The following SYT16 variants were observed in gnomAD, a reference collection of about 807,000 sequenced individuals.
SYT16 encodes the protein synaptotagmin 16.
In SYT16, 42 loss-of-function variants were observed where a neutral mutation model predicts 61.4. The ratio of observed to expected loss-of-function variants is 0.68; its 90% CI spans 0.53 to 0.89. The LOEUF (loss-of-function observed/expected upper bound fraction) is 0.89, where lower values mean the gene tolerates loss of function less well. Ranked by LOEUF, SYT16 falls within the 40% of genes least tolerant of loss-of-function variation. The pLI is 0.00. For synonymous variants in SYT16, 314 were observed against 302.3 expected (o/e 1.04, Z -0.40); for missense variants, 804 against 807.3 (o/e 1.00, Z 0.05).
chr14:62,101,411 T>C lies in SYT16; in HGVS notation c.*704T>C, dbSNP rs2057415882. Reference sequence around the variant, plus strand: ...GACAACTTGTCTCCTTTTGAATATGTAAGATTTCAAACTTGTGACTTTCAA... The same window carrying C: ...GACAACTTGTCTCCTTTTGAATATGCAAGATTTCAAACTTGTGACTTTCAA... On this transcript the variant is annotated 3_prime_UTR_variant, in exon 8 of 8. Coordinates refer to ENST00000683842, the MANE Select transcript of SYT16 (RefSeq NM_001367656.1). 6.6e-6 allele frequency: 1 copy of C among 152,198 alleles called. No individual in the cohort carries two copies. The allele number at this position is 152,198 out of a possible 1,614,324, so 9.4% of individuals were successfully genotyped here.
intron 1 of SYT16, among the ~76,000 whole-genome samples, chr14:61,842,319 C>T (rs1042343118): frequency 6.6e-6 from 1 of 152,194 alleles, no homozygotes; most frequent in African/African-American, 2.4e-5. Flanking sequence ...ACCTTATCCT[C>T]CTGCCACTCT....
In SYT16 at chr14:61,858,832, A is replaced by G. The variant is rs2046862736; in HGVS notation, c.-325+46022A>G. Among the ~76,000 whole-genome samples, 3 of 150,340 alleles carry G rather than the reference A, an allele frequency of 2.0e-5. No individual in the cohort carries two copies. In the South Asian group the frequency reaches 6.4e-4, roughly 32 times the overall value. On this transcript the variant is annotated intron_variant, in intron 1 of 7. Transcript: ENST00000683842. Reference sequence around the variant, plus strand: ...TTTTAATGAAAAGCAGCCCCAAATCATTTTCTTTTTTCTTTTCTTTTCTTT... The same window carrying G: ...TTTTAATGAAAAGCAGCCCCAAATCGTTTTCTTTTTTCTTTTCTTTTCTTT...
intron 1 of SYT16, chr14:61,865,388 T>C (rs571958620): frequency 1.5e-4 from 94 of 618,030 alleles, no homozygotes; most frequent in Non-Finnish European, 1.4e-4. Context: ...GCTCTCCTCA[T>C]TTATGTGATT....
rs1000806549 is a variant in SYT16, at chr14:62,110,890, T to C, written c.*10183T>C. 1.3e-5 allele frequency: 2 copies of C among 152,096 alleles called. No individual in the cohort carries two copies. The highest frequency in any genetic ancestry group is 2.4e-5 in the African/African-American group (1 of 41,436). The allele number at this position is 152,096 out of a possible 1,614,324, so 9.4% of individuals were successfully genotyped here. Reference sequence around the variant, plus strand: ...AAAAAAGGTCCTTCAATCTCCTTTATTATTTTTCTTTTGAAGAATCAAACT... The same window carrying C: ...AAAAAAGGTCCTTCAATCTCCTTTACTATTTTTCTTTTGAAGAATCAAACT... On this transcript the variant is annotated 3_prime_UTR_variant, in exon 8 of 8. Coordinates refer to ENST00000683842, the MANE Select transcript of SYT16 (RefSeq NM_001367656.1).
At chr14:61,914,496 T>C (rs1361324964) in intron 1 of SYT16, among the ~76,000 whole-genome samples, 1 of 152,186 alleles carries the variant, frequency 6.6e-6, no homozygotes, top group Non-Finnish European at 1.5e-5. Flanking sequence ...CCAGTAGGCC[T>C]CTCTAATTGA....
chr14:61,813,618 G>T, intron 1 of SYT16, among the ~76,000 whole-genome samples: 1 of 152,098 alleles, frequency 6.6e-6, no homozygotes, highest in African/African-American at 2.4e-5. Context: ...TGAGTGAATG[G>T]GGCTGGATGT....
intron 2 of SYT16, among the ~76,000 whole-genome samples, chr14:61,979,859 C>A (rs537003100): frequency 1.3e-5 from 2 of 151,770 alleles, no homozygotes; most frequent in Non-Finnish European, 2.9e-5. Flanking sequence ...TCCAGCCTGG[C>A]GACAGAGCGA....
At chr14:61,903,339 T>C (rs1467360054) in intron 1 of SYT16, among the ~76,000 whole-genome samples, 2 of 152,130 alleles carry the variant, frequency 1.3e-5, no homozygotes, top group African/African-American at 4.8e-5. Flanking sequence ...TGTAAATGCA[T>C]GGTTTCCCCC....
chr14:61,922,010 A>G (rs1273824714), intron 1 of SYT16, among the ~76,000 whole-genome samples: 1 of 152,172 alleles, frequency 6.6e-6, no homozygotes, highest in Non-Finnish European at 1.5e-5. Context: ...CTAAAATGAG[A>G]GTATCTGGCA....
At chr14:61,976,005 G>A (rs147242754) in intron 2 of SYT16, among the ~76,000 whole-genome samples, 2 of 152,322 alleles carry the variant, frequency 1.3e-5, no homozygotes, top group East Asian at 3.9e-4. Context: ...ATACAATGCA[G>A]GTACAGGCAT....
chr14:61,909,809 G>T (rs1385045442), intron 1 of SYT16, among the ~76,000 whole-genome samples: 1 of 152,140 alleles, frequency 6.6e-6, no homozygotes, highest in Non-Finnish European at 1.5e-5. Flanking sequence ...CAGAATATTT[G>T]TGGAGCCTTT....
intron 1 of SYT16, among the ~76,000 whole-genome samples, chr14:61,955,247 C>G (rs567288018): frequency 2.0e-5 from 3 of 152,200 alleles, no homozygotes; most frequent in African/African-American, 7.2e-5. Context: ...TTCATTGCCT[C>G]TAAAAGTTTC....
At chr14:62,095,451 C>A (rs906379155) in intron 7 of SYT16, among the ~76,000 whole-genome samples, 1 of 151,758 alleles carries the variant, frequency 6.6e-6, no homozygotes, top group African/African-American at 2.4e-5. Flanking sequence ...TATAATACAT[C>A]AGCAACAATC....
At chr14:62,049,729 C>T (rs888469605) in intron 3 of SYT16, among the ~76,000 whole-genome samples, 8 of 152,274 alleles carry the variant, frequency 5.3e-5, no homozygotes, top group South Asian at 2.1e-4. Flanking sequence ...TTCTTCTTCA[C>T]TTATGAAGCT....
intron 1 of SYT16, among the ~76,000 whole-genome samples, chr14:61,892,436 C>T (rs2048170212): frequency 6.6e-6 from 1 of 152,096 alleles, no homozygotes; most frequent in East Asian, 1.9e-4. Context: ...CATGCTCTGC[C>T]TTCCATTCTT....
chr14:61,980,504 T>A (rs2052023253), intron 2 of SYT16, among the ~76,000 whole-genome samples: 1 of 152,202 alleles, frequency 6.6e-6, no homozygotes, highest in Admixed American at 6.5e-5. Flanking sequence ...AGGCTTATAA[T>A]AATTCAGATG....
chr14:62,023,402 C>G (rs1343503216), intron 3 of SYT16, among the ~76,000 whole-genome samples: 2 of 152,168 alleles, frequency 1.3e-5, no homozygotes, highest in African/African-American at 4.8e-5. Context: ...GTGATAAAAT[C>G]TCTGCTTAGC....
chr14:61,861,875 G>T (rs1048528355), intron 1 of SYT16, among the ~76,000 whole-genome samples: 1 of 152,084 alleles, frequency 6.6e-6, no homozygotes, highest in Non-Finnish European at 1.5e-5. Flanking sequence ...GTATACAATA[G>T]CATCATATCC....
chr14:61,946,016 A>G (rs2050420891), intron 1 of SYT16, among the ~76,000 whole-genome samples: 1 of 152,154 alleles, frequency 6.6e-6, no homozygotes, highest in South Asian at 2.1e-4. Context: ...CAATGAGAAC[A>G]CATGGACACA....
Sources: allele counts gnomAD v4.1 joint callset (sites outside exome capture counted in the v4.1 genomes callset), GRCh38; gene constraint gnomAD v4.1.1; transcripts MANE v1.5; gene names NCBI Gene and HGNC (gene_info 2026-07-23, HGNC 2026-07-21).